The following CHN1 variants were observed in gnomAD, a reference collection of about 807,000 sequenced individuals.
CHN1 encodes N-chimaerin.
A neutral mutation model predicts 59.5 loss-of-function variants in CHN1; 37 were observed. The ratio of observed to expected loss-of-function variants is 0.62; its 90% confidence interval spans 0.48 to 0.82. CHN1 has a LOEUF of 0.82. Among genes scored for constraint, CHN1 ranks in the 40% least tolerant of loss-of-function variants. The pLI is 0.00. For missense variants in CHN1, 469 were observed against 571.0 expected (o/e 0.82, Z 1.82); for synonymous variants, 206 against 200.4 (o/e 1.03, Z -0.24).
chr2:174,803,597 C>T (rs1202665690), intron 11 of CHN1, among the ~76,000 whole-genome samples: 1 of 152,204 alleles, frequency 6.6e-6, no homozygotes, highest in Non-Finnish European at 1.5e-5. Context: ...CTCTGTCACC[C>T]AGGCTGAAGT....
intron 11 of CHN1, among the ~76,000 whole-genome samples, chr2:174,803,661 C>T (rs1245199752): frequency 6.6e-6 from 1 of 152,176 alleles, no homozygotes; most frequent in Admixed American, 6.5e-5. Flanking sequence ...CTCAGGTGAT[C>T]CTCCTGCCTC....
chr2:174,912,228 C>T (rs563382308), intron 5 of CHN1, among the ~76,000 whole-genome samples: 2 of 152,220 alleles, frequency 1.3e-5, no homozygotes, highest in East Asian at 3.9e-4. Context: ...AATCCTTACA[C>T]AATTTTCACA....
chr2:174,939,293 T>C (rs1574189313), intron 3 of CHN1, among the ~76,000 whole-genome samples: 1 of 152,338 alleles, frequency 6.6e-6, no homozygotes, highest in African/African-American at 2.4e-5. Context: ...GTGAGTTCCA[T>C]TGATTTATCG....
At chr2:174,801,302 C>CT (rs34240417) in intron 12 of CHN1, among the ~76,000 whole-genome samples, 1 of 152,044 alleles carries the variant, frequency 6.6e-6, no homozygotes, top group Non-Finnish European at 1.5e-5. Flanking sequence ...GTTTGAAGTG[C>CT]TTTTTTTGGA....
intron 5 of CHN1, among the ~76,000 whole-genome samples, chr2:174,913,691 T>C (rs537506534): frequency 4.6e-5 from 7 of 152,326 alleles, no homozygotes; most frequent in African/African-American, 1.7e-4. Context: ...GCATTCAGTA[T>C]GAAATAATAC....
At chr2:174,975,904 G>A (rs958569754) in intron 1 of CHN1, among the ~76,000 whole-genome samples, 62 of 151,732 alleles carry the variant, frequency 4.1e-4, no homozygotes, top group African/African-American at 1.3e-3. Flanking sequence ...GGCGGATCAC[G>A]AGGTCAAGAG....
At chr2:174,922,309 G>A (rs920788836) in intron 3 of CHN1, among the ~76,000 whole-genome samples, 2 of 152,158 alleles carry the variant, frequency 1.3e-5, no homozygotes, top group African/African-American at 2.4e-5. Context: ...GAAATGCTCA[G>A]TATTTACTCT....
intron 5 of CHN1, among the ~76,000 whole-genome samples, chr2:174,879,356 G>A (rs1687667262): frequency 6.6e-6 from 1 of 152,138 alleles, no homozygotes; most frequent in African/African-American, 2.4e-5. Flanking sequence ...GTTCAAATTA[G>A]ACTTTAATAA....
At chr2:174,862,425 C>T (rs1017244985) in intron 6 of CHN1, among the ~76,000 whole-genome samples, 2 of 151,906 alleles carry the variant, frequency 1.3e-5, no homozygotes, top group Non-Finnish European at 1.5e-5. Flanking sequence ...CTCCGCCTCC[C>T]GGGTTCAAGC....
chr2:174,842,903 T>C (rs1299152352), intron 7 of CHN1, among the ~76,000 whole-genome samples: 2 of 152,210 alleles, frequency 1.3e-5, no homozygotes, highest in Non-Finnish European at 2.9e-5. Context: ...ATACAATATC[T>C]TATATCTTTC....
At chr2:174,997,106 C>T (rs900515015) in intron 1 of CHN1, among the ~76,000 whole-genome samples, 1 of 152,186 alleles carries the variant, frequency 6.6e-6, no homozygotes, top group African/African-American at 2.4e-5. Context: ...ATACATACTT[C>T]GCACATATTA....
At chr2:174,976,111 G>C (rs1279601557) in intron 1 of CHN1, among the ~76,000 whole-genome samples, 1 of 112,296 alleles carries the variant, frequency 8.9e-6, no homozygotes, top group Non-Finnish European at 1.7e-5. Context: ...GGGCCAACAG[G>C]GCAAGACTCC....
At chr2:174,919,621 C>T (rs1280302526) in intron 3 of CHN1, among the ~76,000 whole-genome samples, 2 of 152,098 alleles carry the variant, frequency 1.3e-5, no homozygotes, top group Non-Finnish European at 2.9e-5. Context: ...GGGCAAAATT[C>T]ACCTTTTCTT....
At chr2:174,842,259 T>G (rs1201630172) in intron 7 of CHN1, among the ~76,000 whole-genome samples, 3 of 151,966 alleles carry the variant, frequency 2.0e-5, no homozygotes, top group African/African-American at 7.3e-5. Context: ...GGTGTGAGGG[T>G]TGGTGGGGAT....
chr2:174,913,760 C>A (rs1028216478), intron 5 of CHN1, among the ~76,000 whole-genome samples: 11 of 152,136 alleles, frequency 7.2e-5, no homozygotes, highest in African/African-American at 2.7e-4. Context: ...GGACAGGAAT[C>A]AGAGCAGGCC....
intron 1 of CHN1, among the ~76,000 whole-genome samples, chr2:174,974,946 C>T (rs774374215): frequency 1.1e-4 from 15 of 136,792 alleles, no homozygotes; most frequent in Non-Finnish European, 1.1e-4. Context: ...CAGAACAAAT[C>T]GACACAAGCT....
At chr2:174,972,006 C>T (rs140558149) in intron 1 of CHN1, among the ~76,000 whole-genome samples, 3 of 152,318 alleles carry the variant, frequency 2.0e-5, no homozygotes, top group African/African-American at 7.2e-5. Context: ...ACTTCAAGTG[C>T]AGTCCACAAG....
intron 1 of CHN1, among the ~76,000 whole-genome samples, chr2:174,962,315 T>G (rs1394652572): frequency 6.6e-6 from 1 of 151,808 alleles, no homozygotes; most frequent in African/African-American, 2.4e-5. Context: ...AGAAGAAATA[T>G]TTCATCTAAT....
intron 6 of CHN1, chr2:174,847,195 T>C: frequency 6.7e-7 from 1 of 1,490,838 alleles, no homozygotes; most frequent in Non-Finnish European, 8.9e-7. Context: ...TCTATTCAGC[T>C]AACACATGAG....
Sources: allele counts gnomAD v4.1 joint callset (sites outside exome capture counted in the v4.1 genomes callset), GRCh38; gene constraint gnomAD v4.1.1; transcripts MANE v1.5; gene names NCBI Gene and HGNC (gene_info 2026-07-23, HGNC 2026-07-21).